The following TEX2 variants were observed in gnomAD, a reference collection of about 807,000 sequenced individuals.
The protein encoded by TEX2 is testis expressed 2, also known as testis-expressed protein 2.
A neutral mutation model predicts 106.9 loss-of-function variants in TEX2; 53 were observed. The ratio of observed to expected loss-of-function variants is 0.50; its 90% CI spans 0.40 to 0.62. The LOEUF (loss-of-function observed/expected upper bound fraction) is 0.62, where lower values mean the gene tolerates loss of function less well. TEX2 is among the 20% of genes least tolerant of loss of function. The probability of loss-of-function intolerance (pLI) is 0.00; values close to 1 mark genes in which losing one functional copy is unlikely to be tolerated. For synonymous variants in TEX2, 523 were observed against 534.8 expected (o/e 0.98, Z 0.30); for missense variants, 1,207 against 1,379.0 (o/e 0.88, Z 1.98).
chr17:64,153,286 CG>C lies in TEX2; in HGVS notation c.2931-133del. On this transcript the variant is annotated intron_variant, in intron 9 of 11. Coordinates refer to ENST00000584379, the MANE Select transcript of TEX2 (RefSeq NM_001288732.2). This position sits in a 1 kb window ranked among gnomAD's most constrained non-coding sequence, Gnocchi z 4.1. Reference sequence around the variant, plus strand: ...TGGATGTGGTGATTCTGTGTTGGGGCGGGGGGCATCCTGTGCATTGCAGGGT... The same window carrying C: ...TGGATGTGGTGATTCTGTGTTGGGGCGGGGGCATCCTGTGCATTGCAGGGT... 3 of 666,444 alleles carry C rather than the reference CG, an allele frequency of 4.5e-6. No homozygotes were observed. Among genetic ancestry groups the C allele is most frequent in the Middle Eastern group, 4.0e-4 (1 of 2,506 alleles). The allele number at this position is 666,444 out of a possible 1,614,324, so 41.3% of individuals were successfully genotyped here. A position where few individuals can be genotyped will look rare whatever the true frequency, so the allele number is the denominator to read the frequency against.
rs780968826 is a variant in TEX2 at position 64,213,095 on chromosome 17, C to T, written c.1123G>A (p.Glu375Lys). ...TTCAGTTCTATCTCTCTTGTGGGCT[C>T]ACCAGTGGACTTTGGGTGGTCACTT... ...PRSDHPKSTG[E>K]PTREIELKSS... The change falls in exon 2 of 12, where the codon GAG becomes AAG. Residue 375 changes from glutamate to lysine, a missense_variant. Physicochemically the swap from Glu to Lys is moderately conservative, Grantham distance 56. This residue lies in a region of TEX2 where 1,067 missense variants were observed against 1,193.6 expected (regional missense o/e 0.89). Transcript: ENST00000584379. The surrounding 1 kb of genome is among the most constrained non-coding windows in gnomAD (Gnocchi z 4.4). 8 of 1,614,104 alleles carry T rather than the reference C, an allele frequency of 5.0e-6. No homozygotes were observed. Among genetic ancestry groups the T allele is most frequent in the Admixed American group, 1.7e-5 (1 of 59,992 alleles).
At chr17:64,238,557 G>A (rs533902574) in intron 1 of TEX2, among the ~76,000 whole-genome samples, 3 of 152,196 alleles carry the variant, frequency 2.0e-5, no homozygotes, top group South Asian at 2.1e-4. Flanking sequence ...GGGAGGCCTC[G>A]GGAAACTTAC....
chr17:64,198,983 A>G (rs2032569154), intron 2 of TEX2, among the ~76,000 whole-genome samples: 1 of 152,218 alleles, frequency 6.6e-6, no homozygotes, highest in Non-Finnish European at 1.5e-5. Context: ...GTTCTCCAAG[A>G]AAAGGACAGT....
At chr17:64,236,619 G>T (rs553787546) in intron 1 of TEX2, among the ~76,000 whole-genome samples, 1 of 152,166 alleles carries the variant, frequency 6.6e-6, no homozygotes, top group African/African-American at 2.4e-5. Context: ...TTATACAAGC[G>T]ACTTGAGCAT....
intron 1 of TEX2, among the ~76,000 whole-genome samples, chr17:64,220,974 G>T (rs2033343327): frequency 6.6e-6 from 1 of 152,096 alleles, no homozygotes; most frequent in Non-Finnish European, 1.5e-5. Flanking sequence ...ATGATAGACT[G>T]GACTAAAAAA....
chr17:64,202,272 T>C (rs1291614149), intron 2 of TEX2, among the ~76,000 whole-genome samples: 1 of 152,076 alleles, frequency 6.6e-6, no homozygotes, highest in Admixed American at 6.6e-5. Context: ...ACAGGAAATC[T>C]TGAGAGGATC....
At chr17:64,182,115 C>T (rs1407987609) in intron 5 of TEX2, among the ~76,000 whole-genome samples, 3 of 152,070 alleles carry the variant, frequency 2.0e-5, no homozygotes, top group East Asian at 1.9e-4. Context: ...AGCAAAATGG[C>T]GTACGTACAC....
At chr17:64,179,254 T>C (rs1484466801) in intron 5 of TEX2, among the ~76,000 whole-genome samples, 2 of 152,046 alleles carry the variant, frequency 1.3e-5, no homozygotes, top group South Asian at 4.1e-4. Flanking sequence ...AACGCACCAA[T>C]CAGCGCTCTG....
intron 1 of TEX2, among the ~76,000 whole-genome samples, chr17:64,251,049 C>G (rs982437295): frequency 6.6e-6 from 1 of 152,162 alleles, no homozygotes; most frequent in Admixed American, 6.6e-5. Flanking sequence ...TCAGGGCACA[C>G]AGAGTAAATT....
Position 64,217,816 on chromosome 17 carries a change from AC to A in TEX2, c.-25-3575del, listed in dbSNP as rs879975755. On this transcript the variant is annotated intron_variant, in intron 1 of 11. Transcript: ENST00000584379. The surrounding 1 kb of genome is among the most constrained non-coding windows in gnomAD (Gnocchi z 4.3). ...ACAAAGCCCTTGGGTTTTAACACTG[AC>A]CCCCCAAGCCTTGTGATGGGAAGGA... Among the ~76,000 whole-genome samples the A allele has an allele frequency of 6.6e-6, 1 of 151,718 alleles. No homozygotes were observed. Among genetic ancestry groups the A allele is most frequent in the Admixed American group, 6.6e-5 (1 of 15,244 alleles).
rs1370456085 is a variant in TEX2 at position 64,161,018 on chromosome 17, A to G, written c.2672-85T>C. 3.5e-6 allele frequency: 5 copies of G among 1,416,952 alleles called. No individual in the cohort carries two copies. In the East Asian group the frequency reaches 9.2e-5, roughly 26 times the overall value. The allele number at this position is 1,416,952 out of a possible 1,614,324, so 87.8% of individuals were successfully genotyped here. On this transcript the variant is annotated intron_variant, in intron 7 of 11. Transcript: ENST00000584379. The stretch of plus-strand genomic sequence containing the variant: ...ATGACTTACATTTAAAAATATCTAA[A>G]TAGGCACCATACTGAAAGTCCATGT...
At chr17:64,210,503 A>AT (rs1169139619) in intron 2 of TEX2, among the ~76,000 whole-genome samples, 1 of 151,834 alleles carries the variant, frequency 6.6e-6, no homozygotes, top group Non-Finnish European at 1.5e-5. Context: ...TGATCAAAAA[A>AT]TTTTTTTTCT....
chr17:64,171,992 A>G (rs1244211989), intron 6 of TEX2, among the ~76,000 whole-genome samples: 1 of 151,792 alleles, frequency 6.6e-6, no homozygotes, highest in Non-Finnish European at 1.5e-5. Context: ...AAAAAAAAAA[A>G]AAAGAAAAGA....
rs11079532 is a variant in TEX2 at position 64,203,482 on chromosome 17, A to T, written c.1645-8387T>A. Among the ~76,000 whole-genome samples the T allele has an allele frequency of 2.0e-5, 3 of 152,184 alleles. No homozygotes were observed. In the South Asian group the frequency reaches 6.2e-4, roughly 32 times the overall value. On this transcript the variant is annotated intron_variant, in intron 2 of 11. Coordinates refer to ENST00000584379, the MANE Select transcript of TEX2 (RefSeq NM_001288732.2). ...CATAAGCAGGATTTTGTCTTTACCA[A>T]GCCTAAACCTTTTTTGATGTATTAA...
In TEX2 at chr17:64,179,208, A is replaced by G. The variant is rs902149415; in HGVS notation, c.2425-1737T>C. 2.0e-5 allele frequency among the ~76,000 whole-genome samples: 3 copies of G among 152,154 alleles called. No homozygotes were observed. In the East Asian group the frequency reaches 5.8e-4, roughly 29 times the overall value. On this transcript the variant is annotated intron_variant, in intron 5 of 11. Coordinates refer to ENST00000584379, the MANE Select transcript of TEX2 (RefSeq NM_001288732.2). ...ACCAATCAGCACTCTGTAGCTAGCAAAAGGATTGTAAAATGCACCAATCAG... is the reference window on the plus strand; with the variant it reads ...ACCAATCAGCACTCTGTAGCTAGCAGAAGGATTGTAAAATGCACCAATCAG...
At chr17:64,261,192 A>G (rs782019902) in intron 1 of TEX2, among the ~76,000 whole-genome samples, 4 of 152,238 alleles carry the variant, frequency 2.6e-5, no homozygotes, top group Non-Finnish European at 4.4e-5. Context: ...CTAATATGGC[A>G]TATAGAAACA....
At chr17:64,155,225 G>A in intron 8 of TEX2, 1 of 363,994 alleles carries the variant, frequency 2.7e-6, no homozygotes, top group Middle Eastern at 7.0e-4. Flanking sequence ...CCCAGAAGAG[G>A]TTGCTTTTGA....
intron 1 of TEX2, among the ~76,000 whole-genome samples, chr17:64,261,068 C>T (rs1401640631): frequency 6.6e-6 from 1 of 152,154 alleles, no homozygotes; most frequent in Non-Finnish European, 1.5e-5. Flanking sequence ...GAGAATTTCC[C>T]CATTGCTCTG....
chr17:64,150,678 T>C, intron 11 of TEX2, 163 bp downstream of exon 11: 1 of 689,522 alleles, frequency 1.5e-6, no homozygotes, highest in Non-Finnish European at 2.3e-6. Flanking sequence ...ATACTGTACC[T>C]GAAGTTTTAT....
Sources: gnomAD v4.1 joint callset for allele counts (sites outside exome capture counted in the v4.1 genomes callset) on GRCh38, gnomAD v4.1.1 for gene constraint, gnomAD v4.1.1 regional missense constraint, Gnocchi (gnomAD v3.1) non-coding constraint, MANE v1.5 for transcripts, NCBI Gene and HGNC (gene_info 2026-07-23, HGNC 2026-07-21) for gene names.